PDE7B: variants seen among roughly 807,000 people sequenced by gnomAD.
PDE7B encodes phosphodiesterase 7B, also known as 3',5'-cyclic-AMP phosphodiesterase 7B.
In PDE7B, 29 loss-of-function variants were observed where a neutral mutation model predicts 56.2. That is an observed-to-expected ratio of 0.52 (90% CI 0.38 to 0.70). The LOEUF (loss-of-function observed/expected upper bound fraction) is 0.70, where lower values mean the gene tolerates loss of function less well. PDE7B is among the 30% of genes least tolerant of loss of function. The probability of loss-of-function intolerance (pLI) is 0.00; values close to 1 mark genes in which losing one functional copy is unlikely to be tolerated. For missense variants in PDE7B, 490 were observed against 565.0 expected (o/e 0.87, Z 1.35); for synonymous variants, 197 against 196.9 (o/e 1.00, Z 0.00).
chr6:136,116,623 A>G (rs1372622381), intron 3 of PDE7B, among the ~76,000 whole-genome samples: 1 of 152,216 alleles, frequency 6.6e-6, no homozygotes, highest in Non-Finnish European at 1.5e-5. Flanking sequence ...AACAGTCAGA[A>G]AAGTTAGAGG....
chr6:135,954,793 T>G (rs1583792982), intron 2 of PDE7B, among the ~76,000 whole-genome samples: 2 of 152,178 alleles, frequency 1.3e-5, no homozygotes, highest in East Asian at 3.9e-4. Flanking sequence ...CTTTTAAAAT[T>G]TTGGAAGTCA....
intron 2 of PDE7B, among the ~76,000 whole-genome samples, chr6:136,073,818 C>T (rs1196199749): frequency 6.6e-6 from 1 of 152,158 alleles, no homozygotes; most frequent in Non-Finnish European, 1.5e-5. Context: ...AAAGGTTGAT[C>T]ATGATACGTA....
rs540087083 is a variant in PDE7B, at chr6:135,995,653, G to A, written c.82+48129G>A. Among the ~76,000 whole-genome samples, 239 of 152,290 alleles carry A rather than the reference G, an allele frequency of 1.6e-3. 1 individual carries two copies. Among genetic ancestry groups the A allele is most frequent in the Non-Finnish European group, 2.9e-3 (200 of 68,022 alleles). Reference sequence around the variant, plus strand: ...TACCTATATGTTCTGTGCAAAACAGGTTATCTTCCTCTGCTCTGCTTAGCT... The same window carrying A: ...TACCTATATGTTCTGTGCAAAACAGATTATCTTCCTCTGCTCTGCTTAGCT... On this transcript the variant is annotated intron_variant, in intron 2 of 12. Transcript: ENST00000308191.
At chr6:135,940,833 A>G (rs776654454) in intron 1 of PDE7B, among the ~76,000 whole-genome samples, 1 of 152,252 alleles carries the variant, frequency 6.6e-6, no homozygotes, top group Non-Finnish European at 1.5e-5. Flanking sequence ...ATGCTACCCC[A>G]GAAAACTTCA....
intron 3 of PDE7B, chr6:136,112,739 T>C (rs1315614371): frequency 1.3e-5 from 2 of 152,204 alleles, no homozygotes. Flanking sequence ...GATGCAGATT[T>C]TAAATTCCAA....
intron 1 of PDE7B, among the ~76,000 whole-genome samples, chr6:135,912,604 G>A (rs1358498985): frequency 2.0e-5 from 3 of 151,970 alleles, no homozygotes; most frequent in Non-Finnish European, 4.4e-5. Flanking sequence ...AGAACAAGCA[G>A]GAGAGATCAC....
chr6:136,142,323 T>TTTG (rs1198324009), intron 3 of PDE7B, among the ~76,000 whole-genome samples: 13 of 152,208 alleles, frequency 8.5e-5, no homozygotes, highest in Non-Finnish European at 1.8e-4. Context: ...TGAGAGACAG[T>TTTG]TTGTTATAAT....
At chr6:135,935,042 A>G (rs1774386035) in intron 1 of PDE7B, among the ~76,000 whole-genome samples, 1 of 66,592 alleles carries the variant, frequency 1.5e-5, no homozygotes, top group Non-Finnish European at 2.5e-5. Flanking sequence ...ATTTCTCTAT[A>G]TATTTTATAT....
intron 1 of PDE7B, among the ~76,000 whole-genome samples, chr6:135,928,483 T>TTATATATATATATATATATA (rs1187835633): frequency 1.0e-5 from 1 of 96,866 alleles, no homozygotes; most frequent in Non-Finnish European, 2.1e-5. Flanking sequence ...ATATATATAT[T>TTATATATATATATATATATA]TATTTATATA....
chr6:136,067,781 T>C (rs1161495697), intron 2 of PDE7B, among the ~76,000 whole-genome samples: 1 of 152,204 alleles, frequency 6.6e-6, no homozygotes. Context: ...CCTTGTTTTT[T>C]CAACACCTTG....
chr6:136,171,630 T>C (rs994508694), intron 8 of PDE7B, among the ~76,000 whole-genome samples: 1 of 151,914 alleles, frequency 6.6e-6, no homozygotes, highest in Non-Finnish European at 1.5e-5. Context: ...ATTTCACTGC[T>C]TCACTTTTTT....
intron 1 of PDE7B, among the ~76,000 whole-genome samples, chr6:135,887,296 A>G (rs1344292867): frequency 6.6e-6 from 1 of 152,068 alleles, no homozygotes; most frequent in Non-Finnish European, 1.5e-5. Flanking sequence ...ATATTTGCAA[A>G]GATTTGCTGA....
At chr6:136,077,716 G>GT (rs1310913261) in intron 2 of PDE7B, among the ~76,000 whole-genome samples, 3 of 152,074 alleles carry the variant, frequency 2.0e-5, no homozygotes, top group Admixed American at 2.0e-4. Context: ...AAATTATTAT[G>GT]GTATTGTATA....
chr6:135,937,929 T>C (rs2128198219), intron 1 of PDE7B, among the ~76,000 whole-genome samples: 1 of 152,328 alleles, frequency 6.6e-6, no homozygotes, highest in Non-Finnish European at 1.5e-5. Flanking sequence ...GCTTCTACCT[T>C]CTTCCTTCCG....
At chr6:136,087,561 C>T (rs1209531770) in intron 2 of PDE7B, among the ~76,000 whole-genome samples, 1 of 152,160 alleles carries the variant, frequency 6.6e-6, no homozygotes, top group Non-Finnish European at 1.5e-5. Flanking sequence ...TTAACTTTCA[C>T]TTTGGCTTTC....
chr6:136,018,187 AC>A (rs1356004745), intron 2 of PDE7B, among the ~76,000 whole-genome samples: 4 of 152,170 alleles, frequency 2.6e-5, no homozygotes, highest in Non-Finnish European at 5.9e-5. Flanking sequence ...GCAGGATGGA[AC>A]GATTGGCAGG....
At chr6:136,038,722 A>G (rs1213129258) in intron 2 of PDE7B, among the ~76,000 whole-genome samples, 3 of 152,180 alleles carry the variant, frequency 2.0e-5, no homozygotes, top group African/African-American at 7.2e-5. Flanking sequence ...GGAGCATTTG[A>G]CTGGAAATCA....
At chr6:135,922,496 T>C (rs1022232674) in intron 1 of PDE7B, among the ~76,000 whole-genome samples, 1 of 152,206 alleles carries the variant, frequency 6.6e-6, no homozygotes, top group South Asian at 2.1e-4. Context: ...TGATTTTATA[T>C]GCCCTTTACT....
intron 1 of PDE7B, among the ~76,000 whole-genome samples, chr6:135,883,202 A>G (rs893396126): frequency 9.9e-5 from 15 of 152,190 alleles, no homozygotes; most frequent in Admixed American, 3.3e-4. Context: ...TGTATTCTAT[A>G]TATGGAAAAT....
Sources: allele counts gnomAD v4.1 joint callset (sites outside exome capture counted in the v4.1 genomes callset), GRCh38; gene constraint gnomAD v4.1.1; transcripts MANE v1.5; gene names NCBI Gene and HGNC (gene_info 2026-07-23, HGNC 2026-07-21).